The following NCOR2 variants were observed in gnomAD, a reference collection of about 807,000 sequenced individuals.
The protein encoded by NCOR2 is CTG repeat protein 26.
A neutral mutation model predicts 262.9 loss-of-function variants in NCOR2; 81 were observed. The ratio of observed to expected loss-of-function variants is 0.31; its 90% CI spans 0.26 to 0.37. The LOEUF (loss-of-function observed/expected upper bound fraction) is 0.37, where lower values mean the gene tolerates loss of function less well. NCOR2 is among the 10% of genes least tolerant of loss of function. The probability of loss-of-function intolerance (pLI) is 1.00; values close to 1 mark genes in which losing one functional copy is unlikely to be tolerated. For missense variants in NCOR2, 3,385 were observed against 3,621.4 expected (o/e 0.93, Z 1.68); for synonymous variants, 1,659 against 1,559.3 (o/e 1.06, Z -1.51).
intron 27 of NCOR2, among the ~76,000 whole-genome samples, chr12:124,352,626 C>T (rs1485094540): frequency 6.6e-6 from 1 of 152,204 alleles, no homozygotes; most frequent in Non-Finnish European, 1.5e-5. Context: ...ACCTTGGCCT[C>T]CCAAAATGCT....
intron 33 of NCOR2, among the ~76,000 whole-genome samples, chr12:124,342,782 C>T (rs1392484094): frequency 6.6e-6 from 1 of 152,206 alleles, no homozygotes; most frequent in Non-Finnish European, 1.5e-5. Flanking sequence ...AAAAGAAAAC[C>T]ACTGAAATGT....
At chr12:124,391,055 T>C (rs1532943) in intron 16 of NCOR2, among the ~76,000 whole-genome samples, 93 of 152,326 alleles carry the variant, frequency 6.1e-4, no homozygotes, top group Non-Finnish European at 1.1e-3. Flanking sequence ...GCTGTTCTTG[T>C]GGGGGCCAGG....
intron 1 of NCOR2, among the ~76,000 whole-genome samples, chr12:124,510,335 A>T (rs2049323684): frequency 6.6e-6 from 1 of 152,216 alleles, no homozygotes; most frequent in South Asian, 2.1e-4. Flanking sequence ...CAGCGGGAAG[A>T]TGAGCAAATG....
intron 15 of NCOR2, among the ~76,000 whole-genome samples, chr12:124,398,632 C>T (rs2041825982): frequency 6.6e-6 from 1 of 152,210 alleles, no homozygotes; most frequent in Non-Finnish European, 1.5e-5. Flanking sequence ...AGGACCCTCT[C>T]GGAGCCCAGC....
At chr12:124,412,236 G>A (rs1037530656) in intron 13 of NCOR2, among the ~76,000 whole-genome samples, 9 of 152,354 alleles carry the variant, frequency 5.9e-5, no homozygotes, top group South Asian at 4.1e-4. Flanking sequence ...TTTCAGAAAC[G>A]TAACCATCGA....
At chr12:124,433,580 G>A (rs1461399696) in intron 8 of NCOR2, among the ~76,000 whole-genome samples, 2 of 152,254 alleles carry the variant, frequency 1.3e-5, no homozygotes, top group Non-Finnish European at 1.5e-5. Context: ...CACCTCCATG[G>A]CCCCAAGCAC....
exon 23 of NCOR2, chr12:124,356,694 G>T: frequency 6.8e-7 from 1 of 1,480,004 alleles, no homozygotes. Flanking sequence ...GGGAGGCCTT[G>T]ATCACCTCAC....
intron 1 of NCOR2, among the ~76,000 whole-genome samples, chr12:124,543,277 C>T (rs1030626763): frequency 1.3e-4 from 20 of 152,252 alleles, no homozygotes; most frequent in Non-Finnish European, 1.8e-4. Flanking sequence ...CACCTGTCTG[C>T]TCCCAACAAG....
chr12:124,338,993 C>G (rs2036151780), intron 37 of NCOR2, among the ~76,000 whole-genome samples: 1 of 149,668 alleles, frequency 6.7e-6, no homozygotes, highest in South Asian at 2.1e-4. Context: ...CCCATCCACC[C>G]ACCCAGCTAA....
chr12:124,340,727 G>A, exon 35 of NCOR2: 1 of 1,545,852 alleles, frequency 6.5e-7, no homozygotes, highest in South Asian at 1.2e-5. Flanking sequence ...AGGCAGGTGT[G>A]GCACTTGGGA....
rs1305227965 is a variant in NCOR2, at chr12:124,504,230, G to A, written c.-117-8862C>T. 2.6e-5 allele frequency among the ~76,000 whole-genome samples: 4 copies of A among 152,210 alleles called. No homozygotes were observed. The highest frequency in any genetic ancestry group is 5.9e-5 in the Non-Finnish European group (4 of 68,034). ...GGGTAGATGTACAGGGTAGAGATACGTGGGCCAGGTTAAAGCCAGAAAGCT... is the reference window on the plus strand; with the variant it reads ...GGGTAGATGTACAGGGTAGAGATACATGGGCCAGGTTAAAGCCAGAAAGCT... On this transcript the variant is annotated intron_variant, in intron 1 of 46. Transcript: ENST00000404621. The surrounding 1 kb of genome is among the most constrained non-coding windows in gnomAD (Gnocchi z 4.5).
intron 6 of NCOR2, among the ~76,000 whole-genome samples, chr12:124,453,015 G>C (rs140991946): frequency 2.6e-5 from 4 of 152,282 alleles, no homozygotes; most frequent in Admixed American, 6.5e-5. Flanking sequence ...CTGGAATGCC[G>C]TGCACCGCCA....
chr12:124,462,444 A>C (rs1461839068), intron 5 of NCOR2, among the ~76,000 whole-genome samples: 1 of 152,252 alleles, frequency 6.6e-6, no homozygotes, highest in Non-Finnish European at 1.5e-5. Flanking sequence ...CCTCATCTGC[A>C]AACAGAGCCC....
chr12:124,405,273 G>T (rs2042218215), intron 13 of NCOR2, among the ~76,000 whole-genome samples: 1 of 152,192 alleles, frequency 6.6e-6, no homozygotes, highest in Non-Finnish European at 1.5e-5. Context: ...CCATCTTACA[G>T]AACAGGAAAC....
chr12:124,333,159 C>T (rs1317451258), exon 42 of NCOR2: 4 of 1,611,502 alleles, frequency 2.5e-6, no homozygotes, highest in Non-Finnish European at 3.4e-6. Context: ...CATCCCGGTA[C>T]AGCAGCGGGT....
At chr12:124,329,919 C>T (rs995008220) in intron 44 of NCOR2, among the ~76,000 whole-genome samples, 4 of 152,156 alleles carry the variant, frequency 2.6e-5, no homozygotes, top group African/African-American at 7.2e-5. Flanking sequence ...GTCTTCTTCC[C>T]GTTGCCTGAG....
chr12:124,539,066 C>T (rs1016126073), upstream of NCOR2: 10 of 152,056 alleles, frequency 6.6e-5, no homozygotes, highest in Non-Finnish European at 1.2e-4. This position sits in a 1 kb window ranked among gnomAD's most constrained non-coding sequence, Gnocchi z 5.1. Flanking sequence ...GCTGCTCCAG[C>T]CCAGGCTGCC....
chr12:124,428,091 A>AGTGTGTGTGTG (rs1555221817), intron 10 of NCOR2, among the ~76,000 whole-genome samples: 5 of 27,558 alleles, frequency 1.8e-4, no homozygotes, highest in Non-Finnish European at 6.6e-4. Flanking sequence ...GTGTGTGTAC[A>AGTGTGTGTGTG]TGCAACAATC....
chr12:124,519,511 C>T (rs567869666), intron 1 of NCOR2, among the ~76,000 whole-genome samples: 7 of 152,148 alleles, frequency 4.6e-5, no homozygotes, highest in South Asian at 2.1e-4. Context: ...CTGGACCACG[C>T]GGGTGTGTTG....
Sources: gnomAD v4.1 joint callset for allele counts (sites outside exome capture counted in the v4.1 genomes callset) on GRCh38, gnomAD v4.1.1 for gene constraint, Gnocchi (gnomAD v3.1) non-coding constraint, MANE v1.5 for transcripts, NCBI Gene and HGNC (gene_info 2026-07-23, HGNC 2026-07-21) for gene names.